Variants in GALNT13 observed in about 807,000 individuals in gnomAD.
GALNT13 encodes UDP-GalNAc:polypeptide N-acetylgalactosaminyltransferase 13.
A neutral mutation model predicts 64.2 loss-of-function variants in GALNT13; 28 were observed. The ratio of observed to expected loss-of-function variants is 0.44; its 90% CI spans 0.32 to 0.60. The LOEUF is 0.60. Among genes scored for constraint, GALNT13 ranks in the 20% least tolerant of loss-of-function variants. GALNT13 has a pLI of 0.05. For missense variants in GALNT13, 577 were observed against 669.8 expected (o/e 0.86, Z 1.53); for synonymous variants, 214 against 224.6 (o/e 0.95, Z 0.42).
chr2:153,899,287 G>T (rs955787716), intron 1 of GALNT13, among the ~76,000 whole-genome samples: 2 of 152,114 alleles, frequency 1.3e-5, no homozygotes, highest in Admixed American at 1.3e-4. Context: ...GTGTCAGATT[G>T]AGCAAGTGAT....
chr2:154,294,479 G>C (rs1370678434), intron 8 of GALNT13, among the ~76,000 whole-genome samples: 1 of 152,174 alleles, frequency 6.6e-6, no homozygotes, highest in Non-Finnish European at 1.5e-5. Context: ...TGCACGTTCA[G>C]GATGTAGGGG....
At chr2:153,499,785 C>A in the GALNT13 span, among the ~76,000 whole-genome samples, 1 of 152,238 alleles carries the variant, frequency 6.6e-6, no homozygotes, top group Non-Finnish European at 1.5e-5. Context: ...GAGCATCCAC[C>A]TGGAGCTGGG....
the GALNT13 span, among the ~76,000 whole-genome samples, chr2:153,432,396 A>G: frequency 6.6e-6 from 1 of 152,210 alleles, no homozygotes; most frequent in Non-Finnish European, 1.5e-5. Context: ...TTTTGTTGGA[A>G]GAAGGGGTTT....
chr2:153,237,308 A>C, the GALNT13 span, among the ~76,000 whole-genome samples: 3 of 152,092 alleles, frequency 2.0e-5, no homozygotes, highest in Non-Finnish European at 4.4e-5. Context: ...TGGGGTATTC[A>C]TCACCTCAAG....
At chr2:153,945,244 G>T (rs946344129) in intron 3 of GALNT13, among the ~76,000 whole-genome samples, 3 of 152,092 alleles carry the variant, frequency 2.0e-5, no homozygotes, top group African/African-American at 7.2e-5. Context: ...GACTAAATAT[G>T]AATGTAAACA....
the GALNT13 span, among the ~76,000 whole-genome samples, chr2:153,595,052 A>G: frequency 6.6e-6 from 1 of 152,104 alleles, no homozygotes; most frequent in African/African-American, 2.4e-5. Flanking sequence ...AAGAAATACA[A>G]CTGACATAAT....
chr2:153,122,238 C>T, the GALNT13 span, among the ~76,000 whole-genome samples: 2 of 151,704 alleles, frequency 1.3e-5, no homozygotes, highest in South Asian at 2.1e-4. Flanking sequence ...AGTGCAATGT[C>T]TGCTATATGG....
At chr2:153,643,109 GA>G in the GALNT13 span, among the ~76,000 whole-genome samples, 6 of 151,034 alleles carry the variant, frequency 4.0e-5, no homozygotes, top group Non-Finnish European at 8.9e-5. Context: ...ACAAAAGTTT[GA>G]AAAATATAAG....
chr2:153,731,787 G>C, the GALNT13 span, among the ~76,000 whole-genome samples: 11 of 151,846 alleles, frequency 7.2e-5, no homozygotes, highest in Non-Finnish European at 1.6e-4. Context: ...GCAGTGCAGA[G>C]CTGCTATAAA....
At chr2:153,759,804 G>T in the GALNT13 span, among the ~76,000 whole-genome samples, 1 of 151,796 alleles carries the variant, frequency 6.6e-6, no homozygotes, top group Non-Finnish European at 1.5e-5. Context: ...TCTGGCTTTG[G>T]TACCAGGATG....
chr2:153,630,216 C>G, the GALNT13 span, among the ~76,000 whole-genome samples: 1 of 151,894 alleles, frequency 6.6e-6, no homozygotes, highest in Non-Finnish European at 1.5e-5. Flanking sequence ...TATTGCAGCA[C>G]TATTCACAAT....
At chr2:153,124,976 T>A in the GALNT13 span, among the ~76,000 whole-genome samples, 1 of 152,222 alleles carries the variant, frequency 6.6e-6, no homozygotes, top group Non-Finnish European at 1.5e-5. Flanking sequence ...GAAGCTATCG[T>A]TGTATTAATA....
chr2:153,361,176 TCAA>T, the GALNT13 span, among the ~76,000 whole-genome samples: 1 of 151,496 alleles, frequency 6.6e-6, no homozygotes, highest in Admixed American at 6.6e-5. Flanking sequence ...CAAACAGGAA[TCAA>T]CAAAAAATGT....
At chr2:153,890,079 A>G (rs1323827830) in intron 1 of GALNT13, among the ~76,000 whole-genome samples, 1 of 151,868 alleles carries the variant, frequency 6.6e-6, no homozygotes, top group Admixed American at 6.6e-5. Flanking sequence ...AGGAAAGAGT[A>G]ACACCTGCGA....
At chr2:153,916,832 T>G (rs1029154015) in intron 2 of GALNT13, among the ~76,000 whole-genome samples, 14 of 152,166 alleles carry the variant, frequency 9.2e-5, no homozygotes, top group Non-Finnish European at 1.5e-5. Flanking sequence ...GCTTTACCTT[T>G]TAGATGGGAT....
chr2:153,122,081 A>G, the GALNT13 span, among the ~76,000 whole-genome samples: 1 of 152,058 alleles, frequency 6.6e-6, no homozygotes, highest in African/African-American at 2.4e-5. Flanking sequence ...TAATTTCTCT[A>G]TTGCTAGATA....
At chr2:153,323,413 C>A in the GALNT13 span, among the ~76,000 whole-genome samples, 1 of 152,000 alleles carries the variant, frequency 6.6e-6, no homozygotes, top group African/African-American at 2.4e-5. Context: ...GAATAGATTG[C>A]AAAATTTTTC....
At chr2:153,899,935 ATTTT>A (rs1167875826) in intron 1 of GALNT13, among the ~76,000 whole-genome samples, 7,533 of 97,864 alleles carry the variant, frequency 0.077, 669 homozygotes, top group East Asian at 0.55. Flanking sequence ...ATATATATAT[ATTTT>A]TTTTTTTTTT....
chr2:153,793,046 A>G, the GALNT13 span, among the ~76,000 whole-genome samples: 1 of 144,154 alleles, frequency 6.9e-6, no homozygotes, highest in Non-Finnish European at 1.5e-5. Flanking sequence ...ATCTCAGCTC[A>G]CTGCAATCTC....
Sources: allele counts gnomAD v4.1 joint callset (sites outside exome capture counted in the v4.1 genomes callset), GRCh38; gene constraint gnomAD v4.1.1; transcripts MANE v1.5; gene names NCBI Gene and HGNC (gene_info 2026-07-23, HGNC 2026-07-21).